Variants in ANKS6 observed in about 807,000 individuals in gnomAD.
ANKS6 encodes ankyrin repeat and SAM domain-containing protein 6.
A neutral mutation model predicts 77.9 loss-of-function variants in ANKS6; 47 were observed. The ratio of observed to expected loss-of-function variants is 0.60; its 90% CI spans 0.48 to 0.77. ANKS6 has a LOEUF of 0.77. Among genes scored for constraint, ANKS6 ranks in the 30% least tolerant of loss-of-function variants. The pLI is 0.00. For missense variants in ANKS6, 1,150 were observed against 1,159.1 expected, an observed-to-expected ratio of 0.99 and a Z score of 0.11; for synonymous variants, 488 against 501.7, an observed-to-expected ratio of 0.97 and a Z score of 0.37.
At position 98,733,370 on chromosome 9, in the gene ANKS6, T is replaced by C; in HGVS notation, c.*3149A>G. The C allele has an allele frequency of 1.0e-6, 1 of 985,444 alleles. No homozygotes were observed. Among genetic ancestry groups the C allele is most frequent in the South Asian group, 4.7e-5 (1 of 21,294 alleles). 61.0% of individuals were successfully genotyped at this position (985,444 alleles called of 1,614,324 possible). ...GCCTGGGTGCTGGGAAACAATGCCC[T>C]CCACCCTGCAGGAGAGCTCAGGGTG... On this transcript the variant is annotated 3_prime_UTR_variant, in exon 15 of 15. Transcript: ENST00000353234.
At chr9:98,751,812 C>T (rs752087118) in intron 12 of ANKS6, among the ~76,000 whole-genome samples, 3 of 152,162 alleles carry the variant, frequency 2.0e-5, no homozygotes, top group Admixed American at 1.3e-4. Flanking sequence ...CCGGGCAGGT[C>T]GTGCATGCCT....
Position 98,734,914 on chromosome 9 carries a change from G to A in ANKS6, c.*1605C>T. ...TTGGCTTCTGTGAGTGTAAGGCTGA[G>A]AGAATTTAAAGGAAAAACACCCAAC... On this transcript the variant is annotated 3_prime_UTR_variant, in exon 15 of 15. Transcript: ENST00000353234. 1.0e-6 allele frequency: 1 copy of A among 985,500 alleles called. No homozygotes were observed. The highest frequency in any genetic ancestry group is 4.7e-5 in the South Asian group (1 of 21,288). 61.0% of individuals were successfully genotyped at this position (985,500 alleles called of 1,614,324 possible).
intron 14 of ANKS6, among the ~76,000 whole-genome samples, chr9:98,741,595 CA>C (rs901970069): frequency 3.1e-4 from 47 of 151,788 alleles, no homozygotes; most frequent in African/African-American, 1.0e-3. Flanking sequence ...TTGACAATCA[CA>C]AAAAAAAGGG....
chr9:98,771,566 C>T (rs1482441217), intron 9 of ANKS6, among the ~76,000 whole-genome samples: 1 of 152,218 alleles, frequency 6.6e-6, no homozygotes, highest in Non-Finnish European at 1.5e-5. Flanking sequence ...GTCCTCTCCA[C>T]CCTGACCTCA....
At chr9:98,748,083 C>T (rs1203785673) in intron 13 of ANKS6, among the ~76,000 whole-genome samples, 1 of 152,262 alleles carries the variant, frequency 6.6e-6, no homozygotes, top group African/African-American at 2.4e-5. Flanking sequence ...CTTCTCTGGG[C>T]TCCAGAGTAT....
intron 10 of ANKS6, 60 bp from the exon 11 acceptor site, chr9:98,768,310 G>T: frequency 6.3e-7 from 1 of 1,592,912 alleles, no homozygotes; most frequent in Admixed American, 1.7e-5. Context: ...CAACACAAGG[G>T]TGGTGGACTG....
intron 4 of ANKS6, 89 bp from the exon 5 acceptor site, chr9:98,782,662 A>C: frequency 4.9e-6 from 5 of 1,025,936 alleles, no homozygotes; most frequent in Non-Finnish European, 7.6e-6. Flanking sequence ...TACAAAGCTC[A>C]GTCTCTGAGC....
rs965760752 is a variant in ANKS6, at chr9:98,732,347, G to C, written c.*4172C>G. 4.6e-5 allele frequency: 40 copies of C among 868,116 alleles called. No homozygotes were observed. The highest frequency in any genetic ancestry group is 6.8e-5 in the Non-Finnish European group (39 of 575,736). 53.8% of individuals were successfully genotyped at this position (868,116 alleles called of 1,614,324 possible). ...TGCCCCCTTTTTACCCGCTGGATCAGCTTCTACGACTTGGTCAAACTATCT... is the reference window on the plus strand; with the variant it reads ...TGCCCCCTTTTTACCCGCTGGATCACCTTCTACGACTTGGTCAAACTATCT... On this transcript the variant is annotated 3_prime_UTR_variant, in exon 15 of 15. Coordinates refer to ENST00000353234, the MANE Select transcript of ANKS6 (RefSeq NM_173551.5).
At chr9:98,755,438 G>A (rs1038352985) in intron 12 of ANKS6, among the ~76,000 whole-genome samples, 2 of 152,054 alleles carry the variant, frequency 1.3e-5, no homozygotes, top group African/African-American at 4.8e-5. Context: ...TTCTTCATCT[G>A]CCTTTATCTT....
Position 98,769,835 on chromosome 9 carries a change from C to T in ANKS6, c.1972+1061G>A, listed in dbSNP as rs183863967. On this transcript the variant is annotated intron_variant, in intron 10 of 14. Coordinates refer to ENST00000353234, the MANE Select transcript of ANKS6 (RefSeq NM_173551.5). ...GATAATTCATTCGAAGGGCTTGGCACGCTACTTGACAAATATTAAGTGCTC... is the reference window on the plus strand; with the variant it reads ...GATAATTCATTCGAAGGGCTTGGCATGCTACTTGACAAATATTAAGTGCTC... Among the ~76,000 whole-genome samples the T allele has an allele frequency of 5.4e-3, 827 of 152,232 alleles. 4 individuals carry two copies. The highest frequency in any genetic ancestry group is 8.6e-3 in the Non-Finnish European group (586 of 68,018).
At position 98,768,182 on chromosome 9, in the gene ANKS6, G is replaced by C. The variant is rs1179045527; in HGVS notation, c.2041C>G (p.Gln681Glu). The C allele has an allele frequency of 1.2e-6, 2 of 1,613,998 alleles. No homozygotes were observed. The highest frequency in any genetic ancestry group is 1.7e-6 in the Non-Finnish European group (2 of 1,180,044). The part of the protein sequence containing the change: ...QRKKAAGLLE[Q>E]KPSHRSSPVG... ...GGGCTTGACCGATGGCTGGGTTTCT[G>C]CTCCAATAATCCGGCTGCTTTTTTC... The change falls in exon 11 of 15, where the codon CAG (glutamine) becomes GAG (glutamate). Residue 681 changes from glutamine to glutamate, a missense_variant. Gln to Glu is a conservative substitution (Grantham distance 29). Transcript: ENST00000353234.
At chr9:98,784,950 A>C (rs759662763) in intron 2 of ANKS6, 74 bp from the exon 3 acceptor site, 20 of 1,349,404 alleles carry the variant, frequency 1.5e-5, no homozygotes, top group Admixed American at 3.9e-5. Flanking sequence ...GGGTGTAACA[A>C]CACAGCCTGG....
chr9:98,780,452 T>G (rs963688002), intron 5 of ANKS6, 115 bp from the exon 6 acceptor site: 2 of 1,266,270 alleles, frequency 1.6e-6, no homozygotes. Flanking sequence ...CCAGGGTCTG[T>G]GTAATTCCAG....
intron 5 of ANKS6, among the ~76,000 whole-genome samples, chr9:98,780,841 C>CA (rs1453328105): frequency 6.6e-6 from 1 of 150,728 alleles, no homozygotes; most frequent in African/African-American, 2.4e-5. Flanking sequence ...AAAAGCATTG[C>CA]AAAAAAGATT....
At chr9:98,745,437 G>T in intron 14 of ANKS6, 122 bp downstream of exon 14, 1 of 893,658 alleles carries the variant, frequency 1.1e-6, no homozygotes, top group South Asian at 1.5e-5. Context: ...AGGCCATGCT[G>T]GGAGGTAGTG....
At chr9:98,794,148 C>CAACAAAAAAAAAA (rs1554751920) in intron 1 of ANKS6, among the ~76,000 whole-genome samples, 1 of 109,992 alleles carries the variant, frequency 9.1e-6, no homozygotes, top group Non-Finnish European at 1.8e-5. Flanking sequence ...GACTCCGTCT[C>CAACAAAAAAAAAA]AAAAAAAAAA....
At chr9:98,754,021 C>G (rs1832568659) in intron 12 of ANKS6, among the ~76,000 whole-genome samples, 1 of 152,164 alleles carries the variant, frequency 6.6e-6, no homozygotes, top group Non-Finnish European at 1.5e-5. Context: ...AGCTGGAGTG[C>G]CCGCTCACCA....
Position 98,791,297 on chromosome 9 carries a change from G to A in ANKS6, c.360-691C>T, listed in dbSNP as rs1171181034. 6.6e-6 allele frequency among the ~76,000 whole-genome samples: 1 copy of A among 152,226 alleles called. No individual in the cohort carries two copies. The highest frequency in any genetic ancestry group is 1.9e-4 in the East Asian group (1 of 5,192). On this transcript the variant is annotated intron_variant, in intron 1 of 14. Coordinates refer to ENST00000353234, the MANE Select transcript of ANKS6 (RefSeq NM_173551.5). This position sits in a 1 kb window ranked among gnomAD's most constrained non-coding sequence, Gnocchi z 4.3. The stretch of plus-strand genomic sequence containing the variant: ...ATGCCAAGAGGTGTGGCAAGGTTGT[G>A]GTCAGCAGATAGGCTGGGCATTGCG...
At position 98,768,100 on chromosome 9, in the gene ANKS6, C is replaced by A; in HGVS notation, c.2123G>T (p.Gly708Val). 6 of 1,610,810 alleles carry A rather than the reference C, an allele frequency of 3.7e-6. No homozygotes were observed. The highest frequency in any genetic ancestry group is 5.1e-6 in the Non-Finnish European group (6 of 1,178,886). ...AAGCACCTTGCCAACAGGAGCGCTG[C>A]CACCTGCAGGGGAGGCTGGAAGCTC... ...PSELPASPAG[G>V]SAPVGKKLET... Residue 708 changes from glycine to valine, a missense_variant, in exon 11 of 15, where the codon GGC becomes GTC. Coordinates refer to ENST00000353234, the MANE Select transcript of ANKS6 (RefSeq NM_173551.5).
Sources: allele counts gnomAD v4.1 joint callset (sites outside exome capture counted in the v4.1 genomes callset), GRCh38; gene constraint gnomAD v4.1.1; non-coding constraint Gnocchi (gnomAD v3.1); transcripts MANE v1.5; gene names NCBI Gene and HGNC (gene_info 2026-07-23, HGNC 2026-07-21).